The following C3 variants were observed in gnomAD, a reference collection of about 807,000 sequenced individuals.
C3 encodes the protein C3 and PZP-like alpha-2-macroglobulin domain-containing protein 1.
C3 carries 97 observed loss-of-function variants against 207.9 expected under a neutral mutation model. The observed-to-expected ratio is 0.47, with a 90% CI of 0.40 to 0.55. C3 has a LOEUF of 0.55. C3 is among the 20% of genes least tolerant of loss of function. The pLI, the probability that C3 is intolerant of heterozygous loss-of-function variation, is 0.00. For missense variants in C3, 1,684 were observed against 2,171.7 expected (o/e 0.78, Z 4.46); for synonymous variants, 848 against 857.6 (o/e 0.99, Z 0.20).
At chr19:6,705,189 C>T (rs142407097) in intron 17 of C3, among the ~76,000 whole-genome samples, 3 of 151,402 alleles carry the variant, frequency 2.0e-5, no homozygotes, top group Admixed American at 2.0e-4. Context: ...AAAAGTACAG[C>T]CCACCATCCA....
At position 6,682,124 on chromosome 19, in the gene C3, C is replaced by T. The variant is rs772599294; in HGVS notation, c.4260+18G>A. 6.2e-7 allele frequency: 1 copy of T among 1,611,482 alleles called. No individual in the cohort carries two copies. Among genetic ancestry groups the T allele is most frequent in the South Asian group, 1.1e-5 (1 of 91,028 alleles). ...CCAGGCTCCTTTCCACTTATCCCAGCTCCTGAGCCCTTCATACCTGCTTCA... is the reference window on the plus strand; with the variant it reads ...CCAGGCTCCTTTCCACTTATCCCAGTTCCTGAGCCCTTCATACCTGCTTCA... On this transcript the variant is annotated intron_variant, in intron 34 of 40. Transcript: ENST00000245907.
In C3 at chr19:6,719,089, T is replaced by TGGAGTCTCAGGGAAGGGCA; in HGVS notation, c.267+103_267+121dup. The TGGAGTCTCAGGGAAGGGCA allele has an allele frequency of 1.3e-6, 1 of 798,364 alleles. No homozygotes were observed. Among genetic ancestry groups the TGGAGTCTCAGGGAAGGGCA allele is most frequent in the African/African-American group, 2.5e-5 (1 of 40,788 alleles). 49.5% of individuals were successfully genotyped at this position (798,364 alleles called of 1,614,324 possible). The stretch of plus-strand genomic sequence containing the variant: ...AGAAGGAGAGGCGACTCCGAAGGGG[T>TGGAGTCTCAGGGAAGGGCA]GGAGTCTCAGGGAAGGGCAGGGCTT... On this transcript the variant is annotated intron_variant, in intron 2 of 40. Transcript: ENST00000245907. This position sits in a 1 kb window ranked among gnomAD's most constrained non-coding sequence, Gnocchi z 5.4.
In C3 at chr19:6,713,396, G is replaced by T. The variant is rs202057992; in HGVS notation, c.876+11C>A. The T allele has an allele frequency of 7.4e-5, 119 of 1,613,582 alleles. No homozygotes were observed. The African/African-American group carries it at 1.1e-3, about 15-fold the overall frequency. On this transcript the variant is annotated intron_variant, in intron 8 of 40. Coordinates refer to ENST00000245907, the MANE Select transcript of C3 (RefSeq NM_000064.4). Reference sequence around the variant, plus strand: ...TGGGGCAGGGATCAAAGCGGCCTCCGTCTATGGTACCGGAATGCGCTTGAG... The same window carrying T: ...TGGGGCAGGGATCAAAGCGGCCTCCTTCTATGGTACCGGAATGCGCTTGAG...
intron 23 of C3, 29 bp from the exon 24 acceptor site, chr19:6,694,663 C>T: frequency 6.2e-7 from 1 of 1,601,152 alleles, no homozygotes; most frequent in African/African-American, 1.3e-5. Flanking sequence ...GGACGTTGCT[C>T]AAGCCAGGTG....
At chr19:6,717,661 A>C in intron 4 of C3, 2 of 289,062 alleles carry the variant, frequency 6.9e-6, no homozygotes, top group Non-Finnish European at 1.3e-5. Flanking sequence ...TGGTGTGGTT[A>C]TGTATGTTGT....
intron 24 of C3, among the ~76,000 whole-genome samples, chr19:6,693,868 G>A (rs1369496776): frequency 6.6e-6 from 1 of 152,094 alleles, no homozygotes; most frequent in Non-Finnish European, 1.5e-5. Context: ...GAGAAGATGT[G>A]GGGACCCAGG....
At position 6,690,560 on chromosome 19, in the gene C3, C is replaced by T. The variant is rs11569511; in HGVS notation, c.3489+69G>A. ...TGCAAATTCCCTGAAGGCAACCTCT[C>T]ACTCTCCAAGGTGGCTGTGCTCTGC... On this transcript the variant is annotated intron_variant, in intron 27 of 40. Transcript: ENST00000245907. 0.12 allele frequency: 149,230 copies of T among 1,242,534 alleles called. 9,746 individuals are homozygous for T. The highest frequency in any genetic ancestry group is 0.13 in the Non-Finnish European group (107,664 of 840,930). 77.0% of individuals were successfully genotyped at this position (1,242,534 alleles called of 1,614,324 possible).
chr19:6,713,253 G>C lies in C3; in HGVS notation c.939C>G (p.Asn313Lys). 1 of 1,613,644 alleles carries C rather than the reference G, an allele frequency of 6.2e-7. No homozygotes were observed. The highest frequency in any genetic ancestry group is 8.5e-7 in the Non-Finnish European group (1 of 1,179,976). ...SRKVLLDGVQ[N>K]PRAEDLVGKS... ...TCCCCACCAGGTCTTCTGCTCGGGG[G>C]TTCTGCACCCCGTCCAGCAGTACCT... Residue 313 changes from asparagine (N) to lysine (K), a missense_variant, in exon 9 of 41, where the codon AAC (asparagine) becomes AAG (lysine). Asn to Lys is a moderately conservative substitution (Grantham distance 94, BLOSUM62 0). This residue lies in a region of C3 where 1,280 missense variants were observed against 1,739.1 expected (regional missense o/e 0.74). Coordinates refer to ENST00000245907, the MANE Select transcript of C3 (RefSeq NM_000064.4).
rs571899629 is a variant in C3 at position 6,717,581 on chromosome 19, TTGTG to T, written c.504+509_504+512del. On this transcript the variant is annotated intron_variant, in intron 4 of 40. Coordinates refer to ENST00000245907, the MANE Select transcript of C3 (RefSeq NM_000064.4). Reference sequence around the variant, plus strand: ...GTGTGTGTGTTGTGTTTTGTGTGTGTTGTGTGTGTTGTGTGTTGTGTGTGTTTGT... The same window carrying T: ...GTGTGTGTGTTGTGTTTTGTGTGTGTTGTGTTGTGTGTTGTGTGTGTTTGT... 5.3e-3 allele frequency: 1,071 copies of T among 201,450 alleles called. 8 individuals carry two copies. The highest frequency in any genetic ancestry group is 0.028 in the African/African-American group (998 of 35,354). The allele number at this position is 201,450 out of a possible 1,614,324, so 12.5% of individuals were successfully genotyped here.
chr19:6,697,049 T>TAAAATAAA (rs202245108), intron 21 of C3, among the ~76,000 whole-genome samples: 1 of 91,514 alleles, frequency 1.1e-5, no homozygotes, highest in African/African-American at 3.8e-5. Context: ...CTCAAAAAAA[T>TAAAATAAA]AAACAAACAA....
At chr19:6,710,223 A>G in intron 13 of C3, among the ~76,000 whole-genome samples, 3 of 101,522 alleles carry the variant, frequency 3.0e-5, no homozygotes, top group East Asian at 6.4e-4. Context: ...AGAGGGAGAG[A>G]GAAGGAGAGA....
rs1917823504 is a variant in C3 at position 6,680,163 on chromosome 19, T to C, written c.4451A>G (p.Asn1484Ser). The change falls in exon 36 of 41, where the codon AAC (asparagine) becomes AGC (serine). Residue 1484 changes from asparagine to serine, a missense_variant. By Grantham distance (46) the Asn-to-Ser change is conservative (BLOSUM62 1). This residue lies in a region of C3 where 346 missense variants were observed against 380.1 expected (regional missense o/e 0.91). Transcript: ENST00000245907. ...GCCCTAGGTTGGCTGCTCACCCAGG[T>C]TGTAATAGGCGTAGACCTTGACTGC... ...PGAVKVYAYY[N>S]LEESCTRFYH... 2 of 1,601,660 alleles carry C rather than the reference T, an allele frequency of 1.2e-6. No homozygotes were observed. Among genetic ancestry groups the C allele is most frequent in the Admixed American group, 1.7e-5 (1 of 59,982 alleles).
intron 21 of C3, 64 bp from the exon 22 acceptor site, chr19:6,696,723 G>A: frequency 6.9e-7 from 1 of 1,453,974 alleles, no homozygotes; most frequent in Non-Finnish European, 9.7e-7. Flanking sequence ...ACACACAGAT[G>A]GTCAGCAGGG....
At chr19:6,707,018 G>C in intron 17 of C3, 58 bp downstream of exon 17, 1 of 736,660 alleles carries the variant, frequency 1.4e-6, no homozygotes, top group Non-Finnish European at 2.0e-6. Context: ...TCCTCAGACA[G>C]GAGTCTCCTC....
At position 6,696,365 on chromosome 19, in the gene C3, C is replaced by T. The variant is rs750951573; in HGVS notation, c.2950+14G>A. The T allele has an allele frequency of 6.3e-7, 1 of 1,594,534 alleles. No individual in the cohort carries two copies. The highest frequency in any genetic ancestry group is 8.6e-7 in the Non-Finnish European group (1 of 1,166,138). On this transcript the variant is annotated intron_variant, in intron 23 of 40. Transcript: ENST00000245907. ...CTCCTGGGACCCATGGGGTCGGGGT[C>T]AAGGGTGTCTCACCTTGCAGGAGAA...
intron 21 of C3, 92 bp downstream of exon 21, chr19:6,697,252 C>T (rs893475588): frequency 4.2e-6 from 4 of 955,552 alleles, no homozygotes; most frequent in East Asian, 2.5e-5. Context: ...TTCTTAGTGT[C>T]TCAGAGCCTG....
Position 6,701,151 on chromosome 19 carries a change from C to T in C3, c.2440+976G>A, listed in dbSNP as rs1967665306. Among the ~76,000 whole-genome samples the T allele has an allele frequency of 3.3e-5, 5 of 152,258 alleles. No individual in the cohort carries two copies. The Middle Eastern group carries it at 0.017, about 518-fold the overall frequency. On this transcript the variant is annotated intron_variant, in intron 19 of 40. Coordinates refer to ENST00000245907, the MANE Select transcript of C3 (RefSeq NM_000064.4). ...CACATGGCCTTGTGGTTGGGGTCCT[C>T]TGGCCCTGAAGGGGACTTATCAGGT...
chr19:6,710,765 G>C lies in C3; in HGVS notation c.1560C>G (p.Ser520=), dbSNP rs1967905014. ...AGGAAGGGATGAAGTCGGTGGTGAT[G>C]GACAGGGGCAGCACCACCAGGTCCT... The part of the protein sequence containing the change: ...PGQDLVVLPL[S]ITTDFIPSFR... The change falls in exon 13 of 41, where the codon TCC becomes TCG. Residue 520 remains serine (S), a synonymous_variant. Transcript: ENST00000245907. 7.4e-6 allele frequency: 12 copies of C among 1,613,784 alleles called. No homozygotes were observed. The highest frequency in any genetic ancestry group is 1.0e-5 in the Non-Finnish European group (12 of 1,180,010).
At chr19:6,685,208 T>A (rs1568211749) in intron 29 of C3, 62 bp from the exon 30 acceptor site, 45 of 1,501,934 alleles carry the variant, frequency 3.0e-5, no homozygotes, top group Middle Eastern at 3.5e-4. Context: ...TAGAATCCAG[T>A]GGGGGATAAA....
Sources: gnomAD v4.1 joint callset for allele counts (sites outside exome capture counted in the v4.1 genomes callset) on GRCh38, gnomAD v4.1.1 for gene constraint, gnomAD v4.1.1 regional missense constraint, Gnocchi (gnomAD v3.1) non-coding constraint, MANE v1.5 for transcripts, NCBI Gene and HGNC (gene_info 2026-07-23, HGNC 2026-07-21) for gene names.